The following ZNF100 variants were observed in gnomAD, a reference collection of about 807,000 sequenced individuals.
ZNF100 encodes the protein zinc finger protein 100.
A neutral mutation model predicts 15.8 loss-of-function variants in ZNF100; 12 were observed. The observed-to-expected ratio is 0.76, with a 90% CI of 0.49 to 1.23. ZNF100 has a LOEUF of 1.23. Ranked by LOEUF, ZNF100 falls within the 50% of genes most tolerant of loss-of-function variation. The probability of loss-of-function intolerance (pLI) is 0.00; values close to 1 mark genes in which losing one functional copy is unlikely to be tolerated. For synonymous variants in ZNF100, 226 were observed against 214.8 expected (o/e 1.05, Z -0.45); for missense variants, 670 against 635.6 (o/e 1.05, Z -0.58).
Position 21,767,017 on chromosome 19 carries a change from T to G in ZNF100, c.3+410A>C, listed in dbSNP as rs564687593. 5.3e-5 allele frequency among the ~76,000 whole-genome samples: 8 copies of G among 151,948 alleles called. No homozygotes were observed. In the East Asian group the frequency reaches 1.5e-3, roughly 29 times the overall value. On this transcript the variant is annotated intron_variant, in intron 1 of 4. Transcript: ENST00000358296. Reference sequence around the variant, plus strand: ...AAACAAACAAAAAAATCGTTAATATTTGTGCAGTGACTCCCATACATTTTT... The same window carrying G: ...AAACAAACAAAAAAATCGTTAATATGTGTGCAGTGACTCCCATACATTTTT...
At chr19:21,730,847 T>C (rs1334129361) in intron 4 of ZNF100, among the ~76,000 whole-genome samples, 1 of 151,356 alleles carries the variant, frequency 6.6e-6, no homozygotes, top group African/African-American at 2.4e-5. Context: ...AGAAAAACAA[T>C]TAAACATTTA....
intron 2 of ZNF100, chr19:21,752,872 A>T (rs2036332077): frequency 6.6e-6 from 1 of 152,168 alleles, no homozygotes; most frequent in South Asian, 2.1e-4. Flanking sequence ...TGTGTTGTCC[A>T]GGCTGGAGTA....
At chr19:21,758,549 A>T (rs2036429465) in intron 2 of ZNF100, among the ~76,000 whole-genome samples, 1 of 152,192 alleles carries the variant, frequency 6.6e-6, no homozygotes, top group Non-Finnish European at 1.5e-5. Flanking sequence ...ATGAACAGGT[A>T]GTCCAGGACC....
At chr19:21,758,190 C>G (rs1437553295) in intron 2 of ZNF100, among the ~76,000 whole-genome samples, 1 of 151,728 alleles carries the variant, frequency 6.6e-6, no homozygotes, top group Non-Finnish European at 1.5e-5. Context: ...TCATGCAGAA[C>G]ACAAAACCAA....
At position 21,748,974 on chromosome 19, in the gene ZNF100, G is replaced by A. The variant is rs1273209180; in HGVS notation, c.97-3907C>T. On this transcript the variant is annotated intron_variant, in intron 2 of 4. Coordinates refer to ENST00000358296, the MANE Select transcript of ZNF100 (RefSeq NM_173531.4). ...GCCTGCCTCGGCCTCCCAAAGTGCTGGGATTACAGGCGTGAGCCACTGCTC... is the reference window on the plus strand; with the variant it reads ...GCCTGCCTCGGCCTCCCAAAGTGCTAGGATTACAGGCGTGAGCCACTGCTC... Among the ~76,000 whole-genome samples, 3 of 152,178 alleles carry A rather than the reference G, an allele frequency of 2.0e-5. No homozygotes were observed. The East Asian group carries it at 5.8e-4, about 29-fold the overall frequency.
intron 4 of ZNF100, among the ~76,000 whole-genome samples, chr19:21,735,873 C>T (rs1418512686): frequency 1.3e-5 from 2 of 151,704 alleles, no homozygotes; most frequent in African/African-American, 2.4e-5. Context: ...ACTGCAAGCT[C>T]TGCCTCCCGG....
chr19:21,752,832 T>G (rs1289225985), intron 2 of ZNF100: 1 of 151,992 alleles, frequency 6.6e-6, no homozygotes, highest in Admixed American at 6.6e-5. Context: ...GAGAGTTTTG[T>G]TTTTTTTCTT....
intron 2 of ZNF100, among the ~76,000 whole-genome samples, chr19:21,762,840 C>T (rs1435048566): frequency 6.6e-6 from 1 of 152,118 alleles, no homozygotes; most frequent in Non-Finnish European, 1.5e-5. Context: ...TTCTAAGTCA[C>T]AGGATGAGAC....
intron 2 of ZNF100, among the ~76,000 whole-genome samples, chr19:21,756,819 C>G (rs898312148): frequency 9.9e-5 from 15 of 152,278 alleles, no homozygotes; most frequent in African/African-American, 3.1e-4. Context: ...GGAGGTATTA[C>G]ATTAACCCTC....
intron 2 of ZNF100, 42 bp from the exon 3 acceptor site, chr19:21,745,109 T>C: frequency 6.4e-7 from 1 of 1,572,344 alleles, no homozygotes; most frequent in Non-Finnish European, 8.6e-7. Flanking sequence ...ATTTACCAAG[T>C]GGCCATGGGC....
chr19:21,758,615 A>T (rs1021303681), intron 2 of ZNF100, among the ~76,000 whole-genome samples: 2 of 152,154 alleles, frequency 1.3e-5, no homozygotes, highest in Non-Finnish European at 2.9e-5. Context: ...GGGGGTTGGG[A>T]TATGCCAGGA....
At chr19:21,765,024 C>A (rs538852988) in intron 2 of ZNF100, among the ~76,000 whole-genome samples, 40 of 152,162 alleles carry the variant, frequency 2.6e-4, no homozygotes, top group African/African-American at 9.2e-4. Flanking sequence ...ATAAAAAAAA[C>A]ACACCTGAGA....
At position 21,765,772 on chromosome 19, in the gene ZNF100, A is replaced by T; in HGVS notation, c.18T>A (p.Tyr6Ter). 2 of 1,614,160 alleles carry T rather than the reference A, an allele frequency of 1.2e-6. No homozygotes were observed. The highest frequency in any genetic ancestry group is 1.7e-6 in the Non-Finnish European group (2 of 1,180,034). The part of the protein sequence containing the change: MDDPR[Y>*]GMCPLKGASG... ...TTGCTCCCTTGAGAGGACACATTCC[A>T]TACCTCGGGTCATCCTACGGGAGAA... Residue 6 changes from tyrosine to a stop codon, truncating the protein, a stop_gained, in exon 2 of 5, where the codon TAT (tyrosine) becomes TAA (stop). Coordinates refer to ENST00000358296, the MANE Select transcript of ZNF100 (RefSeq NM_173531.4). LOFTEE classifies it high-confidence loss of function.
chr19:21,767,384 G>GC (rs757040100), intron 1 of ZNF100, 43 bp downstream of exon 1: 30 of 1,609,996 alleles, frequency 1.9e-5, no homozygotes, highest in Non-Finnish European at 2.5e-5. Flanking sequence ...GTTCCAACCA[G>GC]CCCTTTCGCC....
At chr19:21,734,345 A>AT (rs1474532327) in intron 4 of ZNF100, among the ~76,000 whole-genome samples, 4 of 152,158 alleles carry the variant, frequency 2.6e-5, no homozygotes, top group Non-Finnish European at 5.9e-5. Context: ...GTTAACCCGA[A>AT]TAACCAGTTT....
chr19:21,760,252 G>A (rs2036460472), intron 2 of ZNF100, among the ~76,000 whole-genome samples: 1 of 151,518 alleles, frequency 6.6e-6, no homozygotes, highest in Non-Finnish European at 1.5e-5. Flanking sequence ...TTACACTTTG[G>A]GAGGCTGAGG....
chr19:21,762,422 T>C (rs774203368), intron 2 of ZNF100, among the ~76,000 whole-genome samples: 4 of 152,216 alleles, frequency 2.6e-5, no homozygotes, highest in Non-Finnish European at 5.9e-5. Flanking sequence ...TTGTAGAATA[T>C]ATTGCCATTC....
chr19:21,760,565 C>T (rs2145743890), intron 2 of ZNF100, among the ~76,000 whole-genome samples: 1 of 151,990 alleles, frequency 6.6e-6, no homozygotes, highest in East Asian at 1.9e-4. Context: ...ACAGAGCTAA[C>T]CAAATTTCCT....
At chr19:21,729,589 C>T (rs981717874) in intron 4 of ZNF100, among the ~76,000 whole-genome samples, 1 of 151,356 alleles carries the variant, frequency 6.6e-6, no homozygotes, top group African/African-American at 2.4e-5. Context: ...AAAATAAAAA[C>T]AAAACAAAAC....
Sources: allele counts gnomAD v4.1 joint callset (sites outside exome capture counted in the v4.1 genomes callset), GRCh38; gene constraint gnomAD v4.1.1; transcripts MANE v1.5; gene names NCBI Gene and HGNC (gene_info 2026-07-23, HGNC 2026-07-21).